Variants in MDN1 observed in about 807,000 individuals in gnomAD.
MDN1 encodes midasin AAA ATPase 1.
MDN1 carries 266 observed loss-of-function variants against 669.2 expected under a neutral mutation model. The observed-to-expected ratio is 0.40, with a 90% CI of 0.36 to 0.44. The LOEUF (loss-of-function observed/expected upper bound fraction) is 0.44, where lower values mean the gene tolerates loss of function less well. Ranked by LOEUF, MDN1 falls within the 20% of genes least tolerant of loss-of-function variation. The pLI is 1.00. For synonymous variants in MDN1, 2,385 were observed against 2,457.1 expected (o/e 0.97, Z 0.87); for missense variants, 5,940 against 6,754.0 (o/e 0.88, Z 4.22).
intron 5 of MDN1, among the ~76,000 whole-genome samples, chr6:89,793,145 A>T (rs1391343131): frequency 6.6e-6 from 1 of 152,198 alleles, no homozygotes; most frequent in Non-Finnish European, 1.5e-5. Context: ...TATGGGAGAG[A>T]GGAAGTTCAC....
chr6:89,819,005 T>C (rs1242809884), intron 1 of MDN1, among the ~76,000 whole-genome samples: 1 of 152,160 alleles, frequency 6.6e-6, no homozygotes, highest in Non-Finnish European at 1.5e-5. Context: ...CAGATGCAAA[T>C]TTCCCTCATG....
chr6:89,713,163 T>G lies in MDN1; in HGVS notation c.7203A>C (p.Ser2401=). 1 of 1,612,986 alleles carries G rather than the reference T, an allele frequency of 6.2e-7. No individual in the cohort carries two copies. Among genetic ancestry groups the G allele is most frequent in the African/African-American group, 1.3e-5 (1 of 74,926 alleles). Residue 2401 remains serine, a synonymous_variant, in exon 47 of 102, where the codon TCA becomes TCC. Transcript: ENST00000369393. ...TTCATAGTACCTTCCGGTTTGCTGG[T>G]GAATGCTGGGAACAGACATATACTT... ...CWEVYVCSQH[S]PANRKLVQAL...
chr6:89,747,460 C>T lies in MDN1; in HGVS notation c.3773G>A (p.Arg1258Lys). ...CTTTCCAGCAAACACTGAAGAACTTCTGCGATAGGACTGTTGAAGTATCAA... is the reference window on the plus strand; with the variant it reads ...CTTTCCAGCAAACACTGAAGAACTTTTGCGATAGGACTGTTGAAGTATCAA... Reference protein sequence around the residue: ...KVMLDLQSYRRSSSVFAGKQG... With the variant: ...KVMLDLQSYRKSSSVFAGKQG... The change falls in exon 27 of 102, where the codon AGA becomes AAA. Residue 1258 changes from arginine (R) to lysine (K), a missense_variant. Transcript: ENST00000369393. 1.2e-6 allele frequency: 2 copies of T among 1,613,488 alleles called. No individual in the cohort carries two copies. The highest frequency in any genetic ancestry group is 1.7e-6 in the Non-Finnish European group (2 of 1,179,844).
intron 24 of MDN1, 46 bp downstream of exon 24, chr6:89,750,308 T>C (rs746894615): frequency 6.6e-7 from 1 of 1,521,480 alleles, no homozygotes; most frequent in Non-Finnish European, 9.0e-7. Flanking sequence ...GAAATGTGTG[T>C]GAAAGAATAA....
At chr6:89,770,099 C>CA (rs1446148183) in intron 15 of MDN1, among the ~76,000 whole-genome samples, 4 of 150,354 alleles carry the variant, frequency 2.7e-5, no homozygotes, top group Non-Finnish European at 4.4e-5. Flanking sequence ...TCCTGCCTCC[C>CA]AAAAAAACAA....
At chr6:89,664,255 C>T (rs1010558054) in intron 85 of MDN1, among the ~76,000 whole-genome samples, 7 of 152,010 alleles carry the variant, frequency 4.6e-5, no homozygotes, top group African/African-American at 1.7e-4. Context: ...GCATCTAGCA[C>T]ACGAGGCAGC....
intron 65 of MDN1, among the ~76,000 whole-genome samples, chr6:89,689,247 A>G (rs1812222713): frequency 6.6e-6 from 1 of 152,228 alleles, no homozygotes; most frequent in African/African-American, 2.4e-5. Context: ...TCCTAATACT[A>G]TAGTAGCTAC....
In MDN1 at chr6:89,700,847, C is replaced by T. The variant is rs1339459188; in HGVS notation, c.8437G>A (p.Val2813Met). 1.2e-6 allele frequency: 2 copies of T among 1,613,986 alleles called. No individual in the cohort carries two copies. The highest frequency in any genetic ancestry group is 1.7e-5 in the Admixed American group (1 of 59,998). ...TTCAGTTGTGAAAAACACTCCACCA[C>T]CAGCTTGTCCTGAAACAACAACACC... ...GRPFPFKDKL[V>M]VECFSQLKVL... Residue 2813 changes from valine to methionine, a missense_variant, in exon 56 of 102, where the codon GTG becomes ATG. By Grantham distance (21) the Val-to-Met change is conservative (BLOSUM62 1). Around this residue, in one of 5 missense-constraint regions of MDN1, gnomAD observed 2,292 missense variants for 2,638.3 expected, o/e 0.87. Coordinates refer to ENST00000369393, the MANE Select transcript of MDN1 (RefSeq NM_014611.3).
rs779873536 is a variant in MDN1 at position 89,781,561 on chromosome 6, G to T, written c.1481C>A (p.Ala494Glu). The change falls in exon 10 of 102, where the codon GCA becomes GAA. Residue 494 changes from alanine (A) to glutamate (E), a missense_variant. Physicochemically the swap from Ala to Glu is moderately radical, Grantham distance 107. Around this residue, in one of 5 missense-constraint regions of MDN1, gnomAD observed 1,203 missense variants for 1,268.9 expected, o/e 0.95. Transcript: ENST00000369393. Reference protein sequence around the residue: ...VLQSRYPSLLAVVDHLLDIYI... With the variant: ...VLQSRYPSLLEVVDHLLDIYI... ...AATGTCAAGCAGGTGATCAACCACT[G>T]CCAATAGGCTAGGATATCTGCTCTG... 1.3e-5 allele frequency: 21 copies of T among 1,611,988 alleles called. 1 individual carries two copies. The highest frequency in any genetic ancestry group is 1.8e-5 in the Non-Finnish European group (21 of 1,178,606).
rs150459823 is a variant in MDN1 at position 89,652,214 on chromosome 6, C to T, written c.15893G>A (p.Arg5298His). The part of the protein sequence containing the change: ...LERQLEMWQP[R>H]ESGNPEEEKV... ...TACCTCCTCTGGGTTTCCAGATTCA[C>T]GTGGCTGCCACATTTCCAGCTGTCT... is the stretch of plus-strand genomic sequence containing the variant. The change falls in exon 95 of 102, where the codon CGT (arginine) becomes CAT (histidine). Residue 5298 changes from arginine to histidine, a missense_variant. Coordinates refer to ENST00000369393, the MANE Select transcript of MDN1 (RefSeq NM_014611.3). 23 of 1,613,848 alleles carry T rather than the reference C, an allele frequency of 1.4e-5. No homozygotes were observed. The highest frequency in any genetic ancestry group is 4.5e-5 in the East Asian group (2 of 44,898).
chr6:89,665,562 C>A (rs1241481460), intron 84 of MDN1, among the ~76,000 whole-genome samples: 1 of 151,204 alleles, frequency 6.6e-6, no homozygotes, highest in Non-Finnish European at 1.5e-5. Context: ...CAAAAATTAG[C>A]CAGGCGTGGT....
intron 17 of MDN1, among the ~76,000 whole-genome samples, chr6:89,759,980 G>A (rs1335922079): frequency 6.6e-6 from 1 of 151,836 alleles, no homozygotes; most frequent in Non-Finnish European, 1.5e-5. Flanking sequence ...GCTGAGGCAG[G>A]AGAATTGCTT....
At chr6:89,760,925 C>A (rs1356255627) in intron 17 of MDN1, among the ~76,000 whole-genome samples, 1 of 152,138 alleles carries the variant, frequency 6.6e-6, no homozygotes, top group Non-Finnish European at 1.5e-5. Context: ...CTTTGGGAGG[C>A]CAAGGCTGGC....
chr6:89,670,168 A>ATTTT (rs1431713155), intron 83 of MDN1, among the ~76,000 whole-genome samples: 9 of 21,640 alleles, frequency 4.2e-4, no homozygotes, highest in East Asian at 0.017. Flanking sequence ...ATATATATAT[A>ATTTT]TATTTTTTTT....
chr6:89,667,398 T>C (rs941869860), intron 84 of MDN1, among the ~76,000 whole-genome samples: 2 of 152,228 alleles, frequency 1.3e-5, no homozygotes, highest in Non-Finnish European at 2.9e-5. Flanking sequence ...TTTTCTCCTT[T>C]ATTTTTAATA....
At chr6:89,718,650 A>T in intron 42 of MDN1, 23 bp from the exon 43 acceptor site, 2 of 1,611,710 alleles carry the variant, frequency 1.2e-6, no homozygotes, top group African/African-American at 1.3e-5. Context: ...GAGGACATGA[A>T]CTCATCATAG....
intron 87 of MDN1, 24 bp downstream of exon 87, chr6:89,662,063 G>A (rs370934632): frequency 6.5e-5 from 104 of 1,602,794 alleles, no homozygotes; most frequent in Middle Eastern, 1.7e-4. Flanking sequence ...TCAAGAGAGC[G>A]GATCAGTTTC....
At chr6:89,791,378 A>G (rs972347399) in intron 5 of MDN1, among the ~76,000 whole-genome samples, 4 of 152,174 alleles carry the variant, frequency 2.6e-5, no homozygotes, top group African/African-American at 4.8e-5. Context: ...GTATAATAAC[A>G]ATAGCAGGGA....
At position 89,708,355 on chromosome 6, in the gene MDN1, A is replaced by C. The variant is rs983828477; in HGVS notation, c.7898+141T>G. On this transcript the variant is annotated intron_variant, in intron 51 of 101. Coordinates refer to ENST00000369393, the MANE Select transcript of MDN1 (RefSeq NM_014611.3). ...TAGAAAATATGATTATCGTATGATA[A>C]AGGCAATCATGTCCAACACCCCACA... 4 of 1,025,572 alleles carry C rather than the reference A, an allele frequency of 3.9e-6. No individual in the cohort carries two copies. The Admixed American group carries it at 7.1e-5, about 18-fold the overall frequency. 63.5% of individuals were successfully genotyped at this position (1,025,572 alleles called of 1,614,324 possible).
Sources: gnomAD v4.1 joint callset for allele counts (sites outside exome capture counted in the v4.1 genomes callset) on GRCh38, gnomAD v4.1.1 for gene constraint, gnomAD v4.1.1 regional missense constraint, MANE v1.5 for transcripts, NCBI Gene and HGNC (gene_info 2026-07-23, HGNC 2026-07-21) for gene names.